The following STIMATE variants were observed in gnomAD, a reference collection of about 807,000 sequenced individuals.
The protein encoded by STIMATE is store-operated calcium entry regulator STIMATE.
STIMATE carries 15 observed loss-of-function variants against 36.7 expected under a neutral mutation model. That is an observed-to-expected ratio of 0.41 (90% confidence interval 0.27 to 0.63). The LOEUF (loss-of-function observed/expected upper bound fraction) is 0.63. Ranked by LOEUF, STIMATE falls within the 20% of genes least tolerant of loss-of-function variation. The pLI is 0.32. For synonymous variants in STIMATE, 163 were observed against 162.3 expected (o/e 1.00, Z -0.03); for missense variants, 305 against 397.3 (o/e 0.77, Z 1.98).
chr3:52,858,442 G>C (rs565182871), intron 1 of STIMATE, among the ~76,000 whole-genome samples: 1 of 151,954 alleles, frequency 6.6e-6, no homozygotes. Context: ...GGGCAACACC[G>C]TGAGACTCCA....
chr3:52,850,040 A>C (rs1057475034), intron 3 of STIMATE, 127 bp from the exon 4 acceptor site: 1 of 1,421,446 alleles, frequency 7.0e-7, no homozygotes, highest in African/African-American at 1.4e-5. Flanking sequence ...GGGGGCTGGG[A>C]GCCCTCATGT....
At chr3:52,847,463 G>T (rs1026583075) in intron 4 of STIMATE, 3 of 1,288,922 alleles carry the variant, frequency 2.3e-6, no homozygotes, top group Non-Finnish European at 3.0e-6. Flanking sequence ...GACACCATGC[G>T]TCACCTGGAT....
At chr3:52,873,370 T>C (rs1279248046) in intron 1 of STIMATE, among the ~76,000 whole-genome samples, 2 of 152,242 alleles carry the variant, frequency 1.3e-5, no homozygotes, top group Non-Finnish European at 2.9e-5. Context: ...CAAATTAGTA[T>C]TGATTTTTGC....
rs748928249 is a variant in STIMATE, at chr3:52,859,531, A to AAT, written c.161-4088_161-4087insAT. On this transcript the variant is annotated intron_variant, in intron 1 of 7. Coordinates refer to ENST00000355083, the MANE Select transcript of STIMATE (RefSeq NM_198563.5). ...AAAAAAAAAAAAAAAAAAAAAAAAA[A>AAT]TTTTTTTTTTTTTTTTTTTTTTGCT... Among the ~76,000 whole-genome samples, 12 of 18,834 alleles carry AAT rather than the reference A, an allele frequency of 6.4e-4. 1 individual carries two copies. Among genetic ancestry groups the AAT allele is most frequent in the Admixed American group, 1.2e-3 (1 of 856 alleles). The allele number at this position is 18,834 out of a possible 152,430, so 12.4% of individuals were successfully genotyped here.
intron 7 of STIMATE, among the ~76,000 whole-genome samples, chr3:52,842,220 C>G (rs190822153): frequency 6.6e-6 from 1 of 152,224 alleles, no homozygotes. Context: ...TGGCCCTGCA[C>G]GCAGATGTGG....
At chr3:52,860,519 G>C (rs1210504965) in intron 1 of STIMATE, among the ~76,000 whole-genome samples, 1 of 151,996 alleles carries the variant, frequency 6.6e-6, no homozygotes, top group Admixed American at 6.5e-5. Flanking sequence ...CAGGCTAAGA[G>C]CTCCACGTGG....
chr3:52,878,559 G>A lies in STIMATE; in HGVS notation c.160+18732C>T, dbSNP rs1318826150. Among the ~76,000 whole-genome samples the A allele has an allele frequency of 7.9e-5, 12 of 152,294 alleles. No individual in the cohort carries two copies. The East Asian group carries it at 1.7e-3, about 22-fold the overall frequency. ...GGATGTATTAGTTTTGTTTCCTTGT[G>A]TAGAAACCCTACATTCCTGGCTACA... On this transcript the variant is annotated intron_variant, in intron 1 of 7. Coordinates refer to ENST00000355083, the MANE Select transcript of STIMATE (RefSeq NM_198563.5).
At chr3:52,849,429 G>C (rs994621887) in intron 4 of STIMATE, among the ~76,000 whole-genome samples, 1 of 152,222 alleles carries the variant, frequency 6.6e-6, no homozygotes, top group African/African-American at 2.4e-5. Context: ...CTTTAACCTG[G>C]TAGGCAGGTG....
rs755643677 is a variant in STIMATE, at chr3:52,849,847, G to A, written c.372C>T (p.Ala124=). 22 of 1,613,722 alleles carry A rather than the reference G, an allele frequency of 1.4e-5. No homozygotes were observed. Among genetic ancestry groups the A allele is most frequent in the Middle Eastern group, 1.6e-4 (1 of 6,084 alleles). ...GCTGCCACTCTACCAGGACGCTGAC[G>A]GCGCGCACCCCCACGTAGATGAGCA... ...GMLLIYVGVR[A]VSVLVEWQQW... The change falls in exon 4 of 8, where the codon GCC becomes GCT. Residue 124 remains alanine (A), a synonymous_variant. Coordinates refer to ENST00000355083, the MANE Select transcript of STIMATE (RefSeq NM_198563.5).
chr3:52,876,357 C>T (rs1450349282), intron 1 of STIMATE, among the ~76,000 whole-genome samples: 2 of 152,198 alleles, frequency 1.3e-5, no homozygotes, highest in African/African-American at 2.4e-5. Context: ...TGATACAAAA[C>T]GCAAAGCTTA....
intron 1 of STIMATE, among the ~76,000 whole-genome samples, chr3:52,882,647 C>T (rs1230502702): frequency 1.3e-5 from 2 of 152,174 alleles, no homozygotes; most frequent in Non-Finnish European, 2.9e-5. Context: ...GTGTTTCTGT[C>T]CACCCCGAAA....
intron 5 of STIMATE, 102 bp downstream of exon 5, chr3:52,844,727 A>G (rs1408381590): frequency 8.2e-7 from 1 of 1,219,008 alleles, no homozygotes; most frequent in African/African-American, 1.9e-5. Context: ...CATAGAGTTA[A>G]AACAAGTTTG....
chr3:52,863,483 G>C (rs1701252657), intron 1 of STIMATE, among the ~76,000 whole-genome samples: 1 of 152,166 alleles, frequency 6.6e-6, no homozygotes, highest in Admixed American at 6.5e-5. Flanking sequence ...GGAATTATGG[G>C]AGTACAATTC....
intron 4 of STIMATE, among the ~76,000 whole-genome samples, chr3:52,847,887 G>A (rs937038689): frequency 2.0e-5 from 3 of 152,174 alleles, no homozygotes; most frequent in Non-Finnish European, 2.9e-5. Context: ...CTCGATGTGG[G>A]ATAAACCCAG....
rs578071768 is a variant in STIMATE, at chr3:52,868,709, G to A, written c.161-13265C>T. Among the ~76,000 whole-genome samples the A allele has an allele frequency of 6.6e-5, 10 of 152,240 alleles. No homozygotes were observed. The East Asian group carries it at 1.9e-3, about 29-fold the overall frequency. On this transcript the variant is annotated intron_variant, in intron 1 of 7. Coordinates refer to ENST00000355083, the MANE Select transcript of STIMATE (RefSeq NM_198563.5). ...GAGATCTCAGCTCACTGAAACCTCC[G>A]CCTCCTGGGTTCACGTGATTCTCCT...
chr3:52,867,676 T>A (rs1452624374), intron 1 of STIMATE, among the ~76,000 whole-genome samples: 2 of 152,232 alleles, frequency 1.3e-5, no homozygotes, highest in Admixed American at 1.3e-4. Context: ...GGCAGCGGAC[T>A]CTTCCCCTGG....
chr3:52,858,224 G>C (rs1304934746), intron 1 of STIMATE, among the ~76,000 whole-genome samples: 6 of 152,198 alleles, frequency 3.9e-5, no homozygotes, highest in African/African-American at 1.4e-4. Flanking sequence ...GAACCTAGAT[G>C]AAAGATATTT....
chr3:52,896,534 C>A (rs907151001), intron 1 of STIMATE, among the ~76,000 whole-genome samples: 1 of 152,006 alleles, frequency 6.6e-6, no homozygotes, highest in Non-Finnish European at 1.5e-5. Flanking sequence ...CACTAAGGTG[C>A]CCAAGTTTAA....
chr3:52,852,249 CTG>C (rs758695694), intron 3 of STIMATE, among the ~76,000 whole-genome samples: 3 of 152,326 alleles, frequency 2.0e-5, no homozygotes, highest in Non-Finnish European at 4.4e-5. Flanking sequence ...CTGGTGTGTC[CTG>C]GTTCCAGAGC....
Sources: allele counts gnomAD v4.1 joint callset (sites outside exome capture counted in the v4.1 genomes callset), GRCh38; gene constraint gnomAD v4.1.1; transcripts MANE v1.5; gene names NCBI Gene and HGNC (gene_info 2026-07-23, HGNC 2026-07-21).